CSMD3: variants seen among roughly 807,000 people sequenced by gnomAD.
CSMD3 encodes the protein CUB and sushi domain-containing protein 3.
CSMD3 carries 177 observed loss-of-function variants against 435.2 expected under a neutral mutation model. The observed-to-expected ratio is 0.41, with a 90% CI of 0.36 to 0.46. The LOEUF (loss-of-function observed/expected upper bound fraction) is 0.46, where lower values mean the gene tolerates loss of function less well. Ranked by LOEUF, CSMD3 falls within the 20% of genes least tolerant of loss-of-function variation. The pLI, the probability that CSMD3 is intolerant of heterozygous loss-of-function variation, is 0.34. For synonymous variants in CSMD3, 1,656 were observed against 1,520.5 expected, an observed-to-expected ratio of 1.09 and a Z score of -2.07; for missense variants, 4,265 against 4,504.6, an observed-to-expected ratio of 0.95 and a Z score of 1.52.
intron 10 of CSMD3, among the ~76,000 whole-genome samples, chr8:112,898,658 T>C (rs1349035529): frequency 1.3e-5 from 2 of 151,262 alleles, no homozygotes; most frequent in African/African-American, 4.8e-5. Flanking sequence ...ATTCAAAACA[T>C]AACAAATATA....
At chr8:112,618,418 C>T (rs912753880) in intron 22 of CSMD3, among the ~76,000 whole-genome samples, 19 of 152,178 alleles carry the variant, frequency 1.2e-4, no homozygotes, top group Non-Finnish European at 2.6e-4. Context: ...AAAGAAGGCA[C>T]AACTTTTTTG....
Position 112,996,588 on chromosome 8 carries a change from G to C in CSMD3, c.1031-20440C>G, listed in dbSNP as rs1029227174. 4.6e-5 allele frequency among the ~76,000 whole-genome samples: 7 copies of C among 151,520 alleles called. No individual in the cohort carries two copies. The Middle Eastern group carries it at 9.5e-3, about 205-fold the overall frequency. On this transcript the variant is annotated intron_variant, in intron 6 of 70. Coordinates refer to ENST00000297405, the MANE Select transcript of CSMD3 (RefSeq NM_198123.2). ...CTGAGAATAGTTAATTAATTAAGTA[G>C]TTTCTTTGATATGGCTATCACTTAG...
chr8:113,403,128 T>G (rs184077847), intron 1 of CSMD3, among the ~76,000 whole-genome samples: 2 of 151,438 alleles, frequency 1.3e-5, no homozygotes, highest in Non-Finnish European at 3.0e-5. Flanking sequence ...AATCCACAGC[T>G]GTGTCCGTTT....
intron 3 of CSMD3, among the ~76,000 whole-genome samples, chr8:113,252,354 T>C (rs1362830366): frequency 6.6e-6 from 1 of 152,078 alleles, no homozygotes; most frequent in Admixed American, 6.6e-5. Context: ...GGCTTAAAAA[T>C]TGTCCAATTT....
At chr8:113,309,264 T>A (rs2093848532) in intron 2 of CSMD3, 1 of 152,056 alleles carries the variant, frequency 6.6e-6, no homozygotes, top group Non-Finnish European at 1.5e-5. Context: ...ATTCAGAGAG[T>A]ATATGTGCAG....
intron 1 of CSMD3, among the ~76,000 whole-genome samples, chr8:113,316,855 CT>C: frequency 6.6e-6 from 1 of 152,262 alleles, no homozygotes; most frequent in East Asian, 1.9e-4. Context: ...GCCAAAACAG[CT>C]ACATACTTTG....
At chr8:112,973,666 G>A (rs2130921585) in intron 7 of CSMD3, among the ~76,000 whole-genome samples, 1 of 151,706 alleles carries the variant, frequency 6.6e-6, no homozygotes, top group Admixed American at 6.6e-5. Flanking sequence ...TAAGAGCATA[G>A]CTATATTTTG....
chr8:112,833,417 T>C (rs1226274193), intron 11 of CSMD3, among the ~76,000 whole-genome samples: 1 of 152,018 alleles, frequency 6.6e-6, no homozygotes, highest in African/African-American at 2.4e-5. Flanking sequence ...TTTTGGTATA[T>C]AGAAAAGAAA....
chr8:112,834,008 C>T (rs1195097008), intron 11 of CSMD3, among the ~76,000 whole-genome samples: 2 of 151,900 alleles, frequency 1.3e-5, no homozygotes, highest in Non-Finnish European at 2.9e-5. Context: ...TAATTGATTG[C>T]TAGTTCTATG....
chr8:112,957,818 T>C (rs2084083933), intron 7 of CSMD3, among the ~76,000 whole-genome samples: 2 of 152,314 alleles, frequency 1.3e-5, no homozygotes, highest in Middle Eastern at 6.8e-3. Context: ...TGATCTCGGC[T>C]CACTGCAACC....
chr8:112,585,402 A>G (rs1830645799), intron 23 of CSMD3, among the ~76,000 whole-genome samples: 1 of 143,496 alleles, frequency 7.0e-6, no homozygotes, highest in Non-Finnish European at 1.6e-5. Flanking sequence ...AGGGCCTTAC[A>G]TTGAGTCTTT....
intron 4 of CSMD3, among the ~76,000 whole-genome samples, chr8:113,149,288 A>G (rs1439212770): frequency 6.6e-6 from 1 of 151,884 alleles, no homozygotes; most frequent in African/African-American, 2.4e-5. Flanking sequence ...GCCACAGCCA[A>G]ATTCCTAACA....
chr8:113,215,807 C>A (rs1022472159), intron 3 of CSMD3, among the ~76,000 whole-genome samples: 2 of 151,628 alleles, frequency 1.3e-5, no homozygotes, highest in African/African-American at 4.8e-5. Context: ...TGTTCTCATT[C>A]ATCTTTAGGA....
intron 31 of CSMD3, among the ~76,000 whole-genome samples, chr8:112,484,839 G>C (rs1045876289): frequency 1.3e-5 from 2 of 151,950 alleles, no homozygotes; most frequent in African/African-American, 4.8e-5. Context: ...TTTCAGATTA[G>C]GGGTGTTCAA....
intron 3 of CSMD3, among the ~76,000 whole-genome samples, chr8:113,266,216 T>C (rs2093469984): frequency 6.7e-6 from 1 of 150,016 alleles, no homozygotes; most frequent in Non-Finnish European, 1.5e-5. Flanking sequence ...AATTTAATGC[T>C]CTCAAGGATA....
At chr8:112,358,566 C>T (rs1907804) in intron 38 of CSMD3, among the ~76,000 whole-genome samples, 59,502 of 151,940 alleles carry the variant, frequency 0.39, 13,256 homozygotes, top group Middle Eastern at 0.53. Flanking sequence ...GTTCTTGTGA[C>T]AGTGAATAAG....
intron 60 of CSMD3, among the ~76,000 whole-genome samples, chr8:112,264,811 G>T (rs189757864): frequency 4.7e-4 from 71 of 152,076 alleles, no homozygotes; most frequent in Non-Finnish European, 7.9e-4. Flanking sequence ...GTCTGACATT[G>T]CATGTACAGT....
chr8:112,853,387 G>A (rs182291569), intron 11 of CSMD3, among the ~76,000 whole-genome samples: 87 of 152,102 alleles, frequency 5.7e-4, no homozygotes, highest in Admixed American at 1.7e-3. Context: ...CATCATGCCT[G>A]GCTAATTTTT....
chr8:112,707,332 C>T (rs1407682504), intron 13 of CSMD3, among the ~76,000 whole-genome samples: 1 of 151,882 alleles, frequency 6.6e-6, no homozygotes. Context: ...CAGCAGATGC[C>T]TTTTGCTTTA....
Sources: gnomAD v4.1 joint callset for allele counts (sites outside exome capture counted in the v4.1 genomes callset) on GRCh38, gnomAD v4.1.1 for gene constraint, MANE v1.5 for transcripts, NCBI Gene and HGNC (gene_info 2026-07-23, HGNC 2026-07-21) for gene names.